The following LAMA2 variants were observed in gnomAD, a reference collection of about 807,000 sequenced individuals.
LAMA2 encodes the protein laminin subunit alpha-2.
LAMA2 carries 269 observed loss-of-function variants against 364.8 expected under a neutral mutation model. That is an observed-to-expected ratio of 0.74 (90% confidence interval 0.67 to 0.82). LAMA2 has a LOEUF of 0.82. LAMA2 is among the 40% of genes least tolerant of loss of function. The pLI, the probability that LAMA2 is intolerant of heterozygous loss-of-function variation, is 0.00. For missense variants in LAMA2, 3,807 were observed against 3,873.2 expected, an observed-to-expected ratio of 0.98 and a Z score of 0.45; for synonymous variants, 1,379 against 1,370.6, an observed-to-expected ratio of 1.01 and a Z score of -0.14.
At chr6:129,346,739 A>AT (rs1481696051) in intron 30 of LAMA2, among the ~76,000 whole-genome samples, 2 of 152,290 alleles carry the variant, frequency 1.3e-5, no homozygotes, top group East Asian at 1.9e-4. Flanking sequence ...TGGAGCTTGT[A>AT]TTTTTTATAA....
At chr6:129,337,093 G>C (rs1019472606) in intron 29 of LAMA2, among the ~76,000 whole-genome samples, 1 of 152,156 alleles carries the variant, frequency 6.6e-6, no homozygotes, top group South Asian at 2.1e-4. Flanking sequence ...ATGGTAGATA[G>C]TAAGAATATG....
intron 22 of LAMA2, among the ~76,000 whole-genome samples, chr6:129,311,461 G>A (rs2114490523): frequency 6.6e-6 from 1 of 152,254 alleles, no homozygotes; most frequent in African/African-American, 2.4e-5. Flanking sequence ...GTGGTGGGCC[G>A]CCATTATGGA....
At chr6:129,367,425 T>C (rs1056553592) in intron 33 of LAMA2, among the ~76,000 whole-genome samples, 1 of 152,206 alleles carries the variant, frequency 6.6e-6, no homozygotes, top group Admixed American at 6.5e-5. Flanking sequence ...GAATACATAA[T>C]GACCATGTGT....
At chr6:129,463,011 G>A (rs1045168679) in intron 49 of LAMA2, among the ~76,000 whole-genome samples, 2 of 152,056 alleles carry the variant, frequency 1.3e-5, no homozygotes, top group African/African-American at 4.8e-5. Flanking sequence ...TTTTAAAAGT[G>A]TATCTTATTT....
chr6:129,421,232 A>G (rs1781057286), intron 40 of LAMA2, among the ~76,000 whole-genome samples: 2 of 152,066 alleles, frequency 1.3e-5, no homozygotes, highest in African/African-American at 2.4e-5. Context: ...ATTTTCTTAA[A>G]CAATTATTAA....
intron 28 of LAMA2, among the ~76,000 whole-genome samples, chr6:129,325,943 G>A (rs1009928152): frequency 6.6e-6 from 1 of 152,112 alleles, no homozygotes; most frequent in East Asian, 1.9e-4. Context: ...AGGTTCAAGC[G>A]ATGCTCGTGC....
At chr6:129,484,227 A>G (rs1156730105) in intron 55 of LAMA2, among the ~76,000 whole-genome samples, 1 of 152,250 alleles carries the variant, frequency 6.6e-6, no homozygotes, top group Non-Finnish European at 1.5e-5. Flanking sequence ...ACTGCAGTTT[A>G]TAATGGGATA....
rs794727396 is a variant in LAMA2 at position 129,315,565 on chromosome 6, A to G, written c.3645A>G (p.Pro1215=). The change falls in exon 25 of 65, where the codon CCA becomes CCG. Residue 1215 remains proline (P), a synonymous_variant. Coordinates refer to ENST00000421865, the MANE Select transcript of LAMA2 (RefSeq NM_000426.4). The part of the protein sequence containing the change: ...TTTKGIVFQH[P]EIVAHMDLMR... ...CCAAGGGCATTGTTTTTCAACATCC[A>G]GAGATTGTTGCCCACATGGACCTGA... 6.8e-6 allele frequency: 11 copies of G among 1,614,004 alleles called. No homozygotes were observed. In the Admixed American group the frequency reaches 1.2e-4, roughly 17 times the overall value.
chr6:129,114,583 G>A (rs1488754258), intron 4 of LAMA2, among the ~76,000 whole-genome samples: 1 of 151,900 alleles, frequency 6.6e-6, no homozygotes, highest in African/African-American at 2.4e-5. Flanking sequence ...AATGTTTTCT[G>A]TATTTGCTTT....
At chr6:129,475,629 A>C (rs1784032259) in intron 53 of LAMA2, among the ~76,000 whole-genome samples, 2 of 151,978 alleles carry the variant, frequency 1.3e-5, no homozygotes, top group African/African-American at 4.8e-5. Flanking sequence ...TTGTCTCACC[A>C]GCAGTGATGA....
intron 12 of LAMA2, among the ~76,000 whole-genome samples, chr6:129,228,647 A>G (rs1236279128): frequency 6.6e-6 from 1 of 152,222 alleles, no homozygotes; most frequent in Non-Finnish European, 1.5e-5. Flanking sequence ...GAGAGCATAT[A>G]TACCCTGAAG....
chr6:129,457,586 C>G (rs1321363518), intron 48 of LAMA2, among the ~76,000 whole-genome samples: 1 of 152,026 alleles, frequency 6.6e-6, no homozygotes, highest in Non-Finnish European at 1.5e-5. Context: ...TACAATAATA[C>G]ATTTTTTAAT....
intron 2 of LAMA2, among the ~76,000 whole-genome samples, chr6:129,056,944 G>A (rs966387265): frequency 6.6e-6 from 1 of 151,180 alleles, no homozygotes; most frequent in African/African-American, 2.4e-5. Flanking sequence ...TGTTGGCCAG[G>A]CTGGTCTTGA....
chr6:129,059,895 A>C lies in LAMA2; in HGVS notation c.395A>C (p.Gln132Pro), dbSNP rs2114795707. 1 of 1,475,180 alleles carries C rather than the reference A, an allele frequency of 6.8e-7. No homozygotes were observed. Among genetic ancestry groups the C allele is most frequent in the Non-Finnish European group, 9.5e-7 (1 of 1,053,190 alleles). 91.4% of individuals were successfully genotyped at this position (1,475,180 alleles called of 1,614,324 possible). ...GTGACAATTACCCTGGATTTACAGC[A>C]GGTATAGTTCCTCTTTTTTTGTCAT... ...HYVTITLDLQ[Q>P]VFQIAYVIVK... The change falls in exon 3 of 65, where the codon CAG becomes CCG. Residue 132 changes from glutamine (Q) to proline (P), a missense_variant and splice_region_variant. By Grantham distance (76) the Gln-to-Pro change is moderately conservative (BLOSUM62 -1). Transcript: ENST00000421865.
Position 129,112,905 on chromosome 6 carries a change from T to A in LAMA2, c.639+14490T>A, listed in dbSNP as rs1776240266. Among the ~76,000 whole-genome samples, 3 of 152,092 alleles carry A rather than the reference T, an allele frequency of 2.0e-5. 1 individual carries two copies. The South Asian group carries it at 6.2e-4, about 32-fold the overall frequency. ...AGTAGAGAGGCTGCTTGTACCAAAC[T>A]GTAAAACAGTTTCAGGATGAGAAAA... On this transcript the variant is annotated intron_variant, in intron 4 of 64. Coordinates refer to ENST00000421865, the MANE Select transcript of LAMA2 (RefSeq NM_000426.4).
chr6:129,388,808 GTTAC>G (rs1779166760), intron 35 of LAMA2, among the ~76,000 whole-genome samples: 1 of 152,116 alleles, frequency 6.6e-6, no homozygotes, highest in Non-Finnish European at 1.5e-5. Context: ...TATATCAGTA[GTTAC>G]TTACATGCTA....
chr6:129,046,301 A>G (rs1240238686), intron 1 of LAMA2, among the ~76,000 whole-genome samples: 1 of 152,182 alleles, frequency 6.6e-6, no homozygotes, highest in African/African-American at 2.4e-5. Flanking sequence ...GACATACCCA[A>G]GACTGGATAA....
At position 129,366,316 on chromosome 6, in the gene LAMA2, A is replaced by G. The variant is rs1304160754; in HGVS notation, c.4815A>G (p.Pro1605=). The change falls in exon 33 of 65, where the codon CCA becomes CCG. Residue 1605 remains proline (P), a synonymous_variant. Transcript: ENST00000421865. ...SINLTGPLPA[P]YKMLYGLENM... ...ACCTCACTGGTCCGCTGCCTGCGCCATATAAAATGCTGTATGGTCTTGAAA... is the reference window on the plus strand; with the variant it reads ...ACCTCACTGGTCCGCTGCCTGCGCCGTATAAAATGCTGTATGGTCTTGAAA... 1.2e-6 allele frequency: 2 copies of G among 1,613,984 alleles called. No homozygotes were observed. Among genetic ancestry groups the G allele is most frequent in the Non-Finnish European group, 1.7e-6 (2 of 1,179,978 alleles).
At chr6:129,514,703 T>G (rs1786896061) in intron 64 of LAMA2, 108 bp downstream of exon 64, 2 of 894,052 alleles carry the variant, frequency 2.2e-6, no homozygotes, top group Non-Finnish European at 3.6e-6. Context: ...GTGTACTTGC[T>G]TCCTAGCTTT....
Sources: allele counts gnomAD v4.1 joint callset (sites outside exome capture counted in the v4.1 genomes callset), GRCh38; gene constraint gnomAD v4.1.1; transcripts MANE v1.5; gene names NCBI Gene and HGNC (gene_info 2026-07-23, HGNC 2026-07-21).